Variants in CNTNAP2 observed in about 807,000 individuals in gnomAD.
CNTNAP2 encodes contactin associated protein 2.
A neutral mutation model predicts 155.2 loss-of-function variants in CNTNAP2; 98 were observed. The ratio of observed to expected loss-of-function variants is 0.63; its 90% CI spans 0.54 to 0.75. CNTNAP2 has a LOEUF of 0.75. Among genes scored for constraint, CNTNAP2 ranks in the 30% least tolerant of loss-of-function variants. CNTNAP2 has a pLI of 0.00. For missense variants in CNTNAP2, 1,727 were observed against 1,688.1 expected, an observed-to-expected ratio of 1.02 and a Z score of -0.40; for synonymous variants, 651 against 631.2, an observed-to-expected ratio of 1.03 and a Z score of -0.47.
intron 9 of CNTNAP2, among the ~76,000 whole-genome samples, chr7:147,368,533 A>T (rs6945865): frequency 0.036 from 5,553 of 152,140 alleles, 353 homozygotes; most frequent in African/African-American, 0.13. Context: ...AGATAATGAA[A>T]CACTCCCACT....
At chr7:148,333,387 G>T (rs996156532) in intron 21 of CNTNAP2, among the ~76,000 whole-genome samples, 4 of 151,428 alleles carry the variant, frequency 2.6e-5, no homozygotes, top group African/African-American at 9.8e-5. Context: ...GAGATTGCGC[G>T]ACTGTGCTCC....
At chr7:146,681,800 G>T (rs55834213) in intron 1 of CNTNAP2, among the ~76,000 whole-genome samples, 9,865 of 152,130 alleles carry the variant, frequency 0.065, 659 homozygotes, top group African/African-American at 0.16. Flanking sequence ...TAAGTGCCTT[G>T]CTAAAAGTTA....
At chr7:147,905,911 A>C (rs1206758315) in intron 14 of CNTNAP2, among the ~76,000 whole-genome samples, 1 of 146,330 alleles carries the variant, frequency 6.8e-6, no homozygotes, top group Non-Finnish European at 1.5e-5. Flanking sequence ...ACAAACAAAC[A>C]AACAAAAAAA....
intron 1 of CNTNAP2, among the ~76,000 whole-genome samples, chr7:146,603,762 AATGCCAC>A (rs1248420931): frequency 6.6e-6 from 1 of 150,974 alleles, no homozygotes; most frequent in Non-Finnish European, 1.5e-5. Context: ...CCTCAGAAAT[AATGCCAC>A]ATAACTACAA....
intron 21 of CNTNAP2, among the ~76,000 whole-genome samples, chr7:148,286,623 T>G (rs1320825905): frequency 6.6e-6 from 1 of 152,222 alleles, no homozygotes; most frequent in Admixed American, 6.5e-5. Context: ...TGTTATTTCT[T>G]AACTATTACG....
At chr7:146,984,240 G>T (rs551922020) in intron 3 of CNTNAP2, among the ~76,000 whole-genome samples, 2 of 151,676 alleles carry the variant, frequency 1.3e-5, no homozygotes, top group African/African-American at 2.4e-5. Context: ...GGTGGGACAC[G>T]CCTGTAATCC....
intron 12 of CNTNAP2, among the ~76,000 whole-genome samples, chr7:147,635,206 A>ATAT (rs1795157010): frequency 6.7e-6 from 1 of 149,874 alleles, no homozygotes; most frequent in African/African-American, 2.5e-5. Context: ...ATATATGTTT[A>ATAT]ATTTTAATTA....
chr7:148,341,113 G>A (rs759969280), intron 21 of CNTNAP2, among the ~76,000 whole-genome samples: 4 of 152,268 alleles, frequency 2.6e-5, no homozygotes, highest in South Asian at 4.1e-4. Flanking sequence ...AAGGTGGCCC[G>A]TCAAGACCTG....
intron 13 of CNTNAP2, among the ~76,000 whole-genome samples, chr7:147,690,332 A>T (rs1235500727): frequency 6.6e-6 from 1 of 152,082 alleles, no homozygotes; most frequent in Non-Finnish European, 1.5e-5. Flanking sequence ...TCTTTTCTCT[A>T]CTTCTTTAAA....
At chr7:146,443,727 A>G (rs1796360974) in intron 1 of CNTNAP2, among the ~76,000 whole-genome samples, 1 of 152,204 alleles carries the variant, frequency 6.6e-6, no homozygotes, top group Non-Finnish European at 1.5e-5. Flanking sequence ...TTTATAAAGA[A>G]GACATCTAGA....
intron 3 of CNTNAP2, among the ~76,000 whole-genome samples, chr7:146,913,895 C>G (rs1271828447): frequency 6.6e-6 from 1 of 151,774 alleles, no homozygotes; most frequent in Non-Finnish European, 1.5e-5. Flanking sequence ...GTTTTTTATT[C>G]CTCACCACCC....
chr7:146,139,236 C>T (rs1797842415), intron 1 of CNTNAP2, among the ~76,000 whole-genome samples: 1 of 152,092 alleles, frequency 6.6e-6, no homozygotes, highest in African/African-American at 2.4e-5. Context: ...ATTTGGAGTA[C>T]AGTTTCTACC....
chr7:147,591,655 A>G (rs939182099), intron 12 of CNTNAP2, among the ~76,000 whole-genome samples: 5 of 152,096 alleles, frequency 3.3e-5, no homozygotes, highest in African/African-American at 9.7e-5. Context: ...TTAATGATCA[A>G]TTGTCCCCAA....
At chr7:146,638,682 T>C (rs1799650490) in intron 1 of CNTNAP2, among the ~76,000 whole-genome samples, 1 of 151,710 alleles carries the variant, frequency 6.6e-6, no homozygotes, top group Admixed American at 6.6e-5. Flanking sequence ...AGACGGGGTT[T>C]CACCGTGTTA....
At chr7:147,713,726 T>A (rs928905602) in intron 13 of CNTNAP2, among the ~76,000 whole-genome samples, 1 of 152,136 alleles carries the variant, frequency 6.6e-6, no homozygotes, top group Non-Finnish European at 1.5e-5. Flanking sequence ...AACTGTTTTC[T>A]ATGGTGGTGT....
At chr7:148,064,026 G>A (rs970369354) in intron 15 of CNTNAP2, among the ~76,000 whole-genome samples, 1 of 152,054 alleles carries the variant, frequency 6.6e-6, no homozygotes, top group Non-Finnish European at 1.5e-5. Context: ...CTTTGTCGAA[G>A]ATCAGTTGGC....
At chr7:147,354,667 G>C (rs826818) in intron 9 of CNTNAP2, among the ~76,000 whole-genome samples, 1 of 151,916 alleles carries the variant, frequency 6.6e-6, no homozygotes, top group South Asian at 2.1e-4. Flanking sequence ...TTCTAATTCT[G>C]TGAAGAAAAT....
chr7:148,057,950 C>CTTATTATTATTATTATTA (rs60012733), intron 15 of CNTNAP2, among the ~76,000 whole-genome samples: 1 of 142,748 alleles, frequency 7.0e-6, no homozygotes, highest in African/African-American at 2.6e-5. Flanking sequence ...CAGCTTCCAG[C>CTTATTATTATTATTATTA]TTATTATTAT....
At chr7:147,280,411 C>A (rs1486130237) in intron 8 of CNTNAP2, among the ~76,000 whole-genome samples, 1 of 151,934 alleles carries the variant, frequency 6.6e-6, no homozygotes, top group Non-Finnish European at 1.5e-5. Flanking sequence ...TCGTAGAAGT[C>A]ATGCTCAATA....
Sources: gnomAD v4.1 joint callset for allele counts (sites outside exome capture counted in the v4.1 genomes callset) on GRCh38, gnomAD v4.1.1 for gene constraint, MANE v1.5 for transcripts, NCBI Gene and HGNC (gene_info 2026-07-23, HGNC 2026-07-21) for gene names.